The following CSMD3 variants were observed in gnomAD, a reference collection of about 807,000 sequenced individuals.
CSMD3 encodes the protein CUB and Sushi multiple domains 3, also known as CUB and sushi domain-containing protein 3.
In CSMD3, 177 loss-of-function variants were observed where a neutral mutation model predicts 435.2. The ratio of observed to expected loss-of-function variants is 0.41; its 90% CI spans 0.36 to 0.46. CSMD3 has a LOEUF of 0.46. CSMD3 is among the 20% of genes least tolerant of loss of function. The pLI, the probability that CSMD3 is intolerant of heterozygous loss-of-function variation, is 0.34. For missense variants in CSMD3, 4,265 were observed against 4,504.6 expected (o/e 0.95, Z 1.52); for synonymous variants, 1,656 against 1,520.5 (o/e 1.09, Z -2.07).
intron 31 of CSMD3, among the ~76,000 whole-genome samples, chr8:112,487,615 T>C (rs1382822434): frequency 6.6e-6 from 1 of 152,164 alleles, no homozygotes; most frequent in Non-Finnish European, 1.5e-5. Context: ...AAGATCACTC[T>C]ATTGTGTTTG....
intron 45 of CSMD3, among the ~76,000 whole-genome samples, chr8:112,326,632 C>T (rs1056392790): frequency 2.0e-5 from 3 of 152,202 alleles, no homozygotes; most frequent in Non-Finnish European, 1.5e-5. Context: ...TTCAATCTGA[C>T]GTGACCTTCC....
Position 112,518,240 on chromosome 8 carries a change from C to T in CSMD3, c.4565-1015G>A, listed in dbSNP as rs185059870. 7.2e-5 allele frequency among the ~76,000 whole-genome samples: 11 copies of T among 152,100 alleles called. No homozygotes were observed. In the East Asian group the frequency reaches 1.5e-3, roughly 21 times the overall value. On this transcript the variant is annotated intron_variant, in intron 27 of 70. Coordinates refer to ENST00000297405, the MANE Select transcript of CSMD3 (RefSeq NM_198123.2). Reference sequence around the variant, plus strand: ...TAGAGGCCAGGCATAGTGGCTCACACCTGTAATCCCAGCACTTTGGGACAT... The same window carrying T: ...TAGAGGCCAGGCATAGTGGCTCACATCTGTAATCCCAGCACTTTGGGACAT...
At chr8:112,456,962 T>G (rs536010469) in intron 32 of CSMD3, among the ~76,000 whole-genome samples, 1 of 152,248 alleles carries the variant, frequency 6.6e-6, no homozygotes, top group South Asian at 2.1e-4. Flanking sequence ...GATGTGTTCC[T>G]GAGAAATTAT....
At chr8:113,319,768 ATT>A (rs1219965489) in intron 1 of CSMD3, among the ~76,000 whole-genome samples, 1 of 152,030 alleles carries the variant, frequency 6.6e-6, no homozygotes, top group Non-Finnish European at 1.5e-5. Context: ...TACTGTTGAG[ATT>A]ACTATTGTGA....
At chr8:112,829,373 C>T in intron 12 of CSMD3, among the ~76,000 whole-genome samples, 1 of 152,106 alleles carries the variant, frequency 6.6e-6, no homozygotes, top group East Asian at 1.9e-4. Context: ...AGGCCCTCAC[C>T]AGACGTCAAA....
At chr8:112,986,102 G>T (rs2085245013) in intron 6 of CSMD3, among the ~76,000 whole-genome samples, 1 of 152,116 alleles carries the variant, frequency 6.6e-6, no homozygotes. Context: ...TGAGTATTTT[G>T]CAATAGAGTT....
chr8:113,375,751 T>C (rs989964955), intron 1 of CSMD3, among the ~76,000 whole-genome samples: 1 of 152,084 alleles, frequency 6.6e-6, no homozygotes, highest in Non-Finnish European at 1.5e-5. Flanking sequence ...GAGTAGCTTA[T>C]GTAAGACTAA....
intron 1 of CSMD3, among the ~76,000 whole-genome samples, chr8:113,416,143 A>T (rs536814259): frequency 2.6e-5 from 4 of 152,112 alleles, no homozygotes; most frequent in Non-Finnish European, 5.9e-5. Context: ...TTAAATCATC[A>T]GAATATTTCA....
At chr8:113,372,972 T>G (rs2094356417) in intron 1 of CSMD3, among the ~76,000 whole-genome samples, 1 of 151,928 alleles carries the variant, frequency 6.6e-6, no homozygotes, top group Admixed American at 6.6e-5. Context: ...AAAGACACAT[T>G]TATACACAGT....
intron 59 of CSMD3, among the ~76,000 whole-genome samples, chr8:112,278,894 G>A (rs1429183540): frequency 6.6e-6 from 1 of 151,956 alleles, no homozygotes; most frequent in Admixed American, 6.6e-5. Flanking sequence ...CCCTGTGGGA[G>A]ACCCCCAACA....
chr8:113,064,973 C>T (rs2088790221), intron 5 of CSMD3, among the ~76,000 whole-genome samples: 1 of 151,972 alleles, frequency 6.6e-6, no homozygotes, highest in Non-Finnish European at 1.5e-5. Flanking sequence ...TAAAGAAAAA[C>T]AATTGATACT....
At position 112,866,328 on chromosome 8, in the gene CSMD3, A is replaced by G. The variant is rs150524009; in HGVS notation, c.1634-7062T>C. On this transcript the variant is annotated intron_variant, in intron 10 of 70. Transcript: ENST00000297405. The stretch of plus-strand genomic sequence containing the variant: ...CTTAGATAGTTGTGCTATGTCACCC[A>G]TAAGCTCTGATAAGCCTAATATGAT... Among the ~76,000 whole-genome samples, 3 of 152,240 alleles carry G rather than the reference A, an allele frequency of 2.0e-5. No homozygotes were observed. The East Asian group carries it at 5.8e-4, about 29-fold the overall frequency.
At chr8:112,811,088 AATTAT>A (rs1177625511) in intron 12 of CSMD3, among the ~76,000 whole-genome samples, 1 of 151,990 alleles carries the variant, frequency 6.6e-6, no homozygotes, top group Non-Finnish European at 1.5e-5. Flanking sequence ...AAATTAATTC[AATTAT>A]ATTTCTGATA....
At chr8:112,689,074 A>G (rs1275811725) in intron 14 of CSMD3, among the ~76,000 whole-genome samples, 1 of 152,098 alleles carries the variant, frequency 6.6e-6, no homozygotes, top group Non-Finnish European at 1.5e-5. Context: ...TTCTTCTCTT[A>G]CAAGAACTTC....
At chr8:112,437,903 C>A (rs1814553489) in intron 32 of CSMD3, among the ~76,000 whole-genome samples, 1 of 152,020 alleles carries the variant, frequency 6.6e-6, no homozygotes. Context: ...TCCTTTCCCT[C>A]CCACTTTATT....
chr8:113,129,368 T>A (rs1396522247), intron 4 of CSMD3, among the ~76,000 whole-genome samples: 1 of 152,082 alleles, frequency 6.6e-6, no homozygotes, highest in Non-Finnish European at 1.5e-5. Context: ...ATGCTCTATA[T>A]TCCTTCAGAG....
chr8:112,388,385 G>A (rs539403551), intron 36 of CSMD3, among the ~76,000 whole-genome samples: 7 of 152,310 alleles, frequency 4.6e-5, no homozygotes, highest in Non-Finnish European at 8.8e-5. Context: ...GGACAAGGGT[G>A]ATGCTATCTG....
At chr8:113,270,274 C>G (rs981670149) in intron 3 of CSMD3, among the ~76,000 whole-genome samples, 8 of 146,838 alleles carry the variant, frequency 5.4e-5, no homozygotes, top group African/African-American at 2.1e-4. Context: ...CATCTCACAC[C>G]AGTTAGAATG....
chr8:112,331,840 G>A (rs1824092203), intron 45 of CSMD3, among the ~76,000 whole-genome samples: 1 of 151,948 alleles, frequency 6.6e-6, no homozygotes, highest in South Asian at 2.1e-4. Flanking sequence ...AGCTTATAAT[G>A]AATTATATAC....
Sources: allele counts gnomAD v4.1 joint callset (sites outside exome capture counted in the v4.1 genomes callset), GRCh38; gene constraint gnomAD v4.1.1; transcripts MANE v1.5; gene names NCBI Gene and HGNC (gene_info 2026-07-23, HGNC 2026-07-21).